Variants in TEX10 observed in about 807,000 individuals in gnomAD.
TEX10 encodes the protein testis expressed 10.
In TEX10, 24 loss-of-function variants were observed where a neutral mutation model predicts 104.4. That is an observed-to-expected ratio of 0.23 (90% CI 0.17 to 0.32). TEX10 has a LOEUF of 0.32. Ranked by LOEUF, TEX10 falls within the 10% of genes least tolerant of loss-of-function variation. The pLI, the probability that TEX10 is intolerant of heterozygous loss-of-function variation, is 1.00. For synonymous variants in TEX10, 396 were observed against 393.4 expected (o/e 1.01, Z -0.08); for missense variants, 921 against 1,083.9 (o/e 0.85, Z 2.11).
intron 1 of TEX10, among the ~76,000 whole-genome samples, chr9:100,350,158 T>A (rs1176237272): frequency 6.6e-6 from 1 of 152,210 alleles, no homozygotes; most frequent in Non-Finnish European, 1.5e-5. Context: ...TCCCCCTCTA[T>A]ACCACATTCC....
At chr9:100,334,153 T>C (rs1050601077) in intron 5 of TEX10, among the ~76,000 whole-genome samples, 9 of 152,174 alleles carry the variant, frequency 5.9e-5, no homozygotes, top group African/African-American at 1.7e-4. Flanking sequence ...ATTCAAGATC[T>C]CAGATATCCA....
intron 11 of TEX10, among the ~76,000 whole-genome samples, chr9:100,314,466 T>C (rs1438632728): frequency 6.6e-6 from 1 of 152,216 alleles, no homozygotes; most frequent in Non-Finnish European, 1.5e-5. Flanking sequence ...TGGTTCAACC[T>C]TGGGGAGTTG....
At chr9:100,328,180 T>C (rs976941704) in intron 7 of TEX10, among the ~76,000 whole-genome samples, 1 of 152,214 alleles carries the variant, frequency 6.6e-6, no homozygotes, top group Non-Finnish European at 1.5e-5. Context: ...TGGGGCAGTA[T>C]CTAAATTGTA....
chr9:100,331,573 G>A (rs1372502073), intron 5 of TEX10, among the ~76,000 whole-genome samples: 1 of 152,156 alleles, frequency 6.6e-6, no homozygotes, highest in Non-Finnish European at 1.5e-5. Flanking sequence ...ACATGAGAAG[G>A]GAAATAAAAG....
rs572893778 is a variant in TEX10 at position 100,318,449 on chromosome 9, T to C, written c.2202+1816A>G. Among the ~76,000 whole-genome samples, 21 of 152,232 alleles carry C rather than the reference T, an allele frequency of 1.4e-4. No individual in the cohort carries two copies. In the South Asian group the frequency reaches 2.3e-3, roughly 17 times the overall value. On this transcript the variant is annotated intron_variant, in intron 11 of 14. Transcript: ENST00000374902. ...ACATAGAGTGTGAAATGACATACAA[T>C]AGAGACTCAAAAAGGTGAATGGGTG...
intron 5 of TEX10, among the ~76,000 whole-genome samples, chr9:100,336,715 A>G (rs908687762): frequency 7.8e-4 from 118 of 152,246 alleles, no homozygotes; most frequent in African/African-American, 2.8e-3. Flanking sequence ...CCTCAGGTCC[A>G]TGGAAACATT....
In TEX10 at chr9:100,310,349, C is replaced by T; in HGVS notation, c.2233G>A (p.Ala745Thr). The T allele has an allele frequency of 6.2e-7, 1 of 1,614,012 alleles. No individual in the cohort carries two copies. The highest frequency in any genetic ancestry group is 8.5e-7 in the Non-Finnish European group (1 of 1,179,966). ...AAGATGTCAAAGTTCTGACTTCGGG[C>T]AGGAATAACCAATAAACTGTGAAAA... is the stretch of plus-strand genomic sequence containing the variant. ...AVFHSLLVIP[A>T]RSQNFDILQS... The change falls in exon 12 of 15, where the codon GCC (alanine) becomes ACC (threonine). Residue 745 changes from alanine (A) to threonine (T), a missense_variant. Transcript: ENST00000374902.
At chr9:100,333,438 T>C (rs1022044298) in intron 5 of TEX10, among the ~76,000 whole-genome samples, 10 of 152,288 alleles carry the variant, frequency 6.6e-5, no homozygotes, top group African/African-American at 2.4e-4. Context: ...TAGCAAGCTA[T>C]TTTGTAATTG....
At chr9:100,304,771 T>C (rs141279711) in intron 13 of TEX10, 2 of 152,138 alleles carry the variant, frequency 1.3e-5, no homozygotes, top group South Asian at 2.1e-4. Context: ...GGCAGGAGAA[T>C]TGCTTGAATC....
At chr9:100,319,738 G>A (rs879798122) in intron 11 of TEX10, among the ~76,000 whole-genome samples, 2 of 152,068 alleles carry the variant, frequency 1.3e-5, no homozygotes, top group Non-Finnish European at 2.9e-5. Context: ...CCTGGGAGGT[G>A]GAGGTTGCAG....
chr9:100,325,540 C>CT (rs969144434), intron 9 of TEX10, among the ~76,000 whole-genome samples: 3 of 151,482 alleles, frequency 2.0e-5, no homozygotes, highest in African/African-American at 7.3e-5. Context: ...TTAAAACTTT[C>CT]TTTTTTTTGA....
chr9:100,308,529 C>G lies in TEX10; in HGVS notation c.2436G>C (p.Glu812Asp). The G allele has an allele frequency of 6.2e-7, 1 of 1,604,616 alleles. No individual in the cohort carries two copies. The highest frequency in any genetic ancestry group is 8.5e-7 in the Non-Finnish European group (1 of 1,176,880). The change falls in exon 13 of 15, where the codon GAG (glutamate) becomes GAC (aspartate). Residue 812 changes from glutamate (E) to aspartate (D), a missense_variant. Physicochemically the swap from Glu to Asp is conservative, Grantham distance 45. Transcript: ENST00000374902. Reference protein sequence around the residue: ...YSLLYFLLTIEKGEAEHLRKR... With the variant: ...YSLLYFLLTIDKGEAEHLRKR... ...TTCTTAGATGTTCTGCTTCCCCTTT[C>G]TCTATAGTGAGCAGAAAATAAAGAA... is the stretch of plus-strand genomic sequence containing the variant.
intron 1 of TEX10, among the ~76,000 whole-genome samples, chr9:100,350,053 AAATAT>A (rs1835403813): frequency 6.6e-6 from 1 of 152,222 alleles, no homozygotes; most frequent in Non-Finnish European, 1.5e-5. Flanking sequence ...GCATAAAAAG[AAATAT>A]AATGTAATAG....
intron 13 of TEX10, 179 bp from the exon 14 acceptor site, chr9:100,304,021 C>T (rs1317453464): frequency 1.6e-6 from 1 of 620,516 alleles, no homozygotes; most frequent in Non-Finnish European, 2.9e-6. Flanking sequence ...ACACTAAATA[C>T]CTAGGAATAC....
chr9:100,319,906 G>A (rs1834523330), intron 11 of TEX10, among the ~76,000 whole-genome samples: 1 of 152,122 alleles, frequency 6.6e-6, no homozygotes, highest in African/African-American at 2.4e-5. Flanking sequence ...AAGTTACATA[G>A]TAATTCTTAA....
At chr9:100,331,057 A>C (rs1012938902) in intron 5 of TEX10, among the ~76,000 whole-genome samples, 1 of 151,348 alleles carries the variant, frequency 6.6e-6, no homozygotes, top group Non-Finnish European at 1.5e-5. Context: ...GGAGTTCAAG[A>C]CCACCCTGAC....
intron 5 of TEX10, among the ~76,000 whole-genome samples, chr9:100,334,577 A>G (rs989450451): frequency 1.6e-4 from 24 of 152,300 alleles, no homozygotes; most frequent in Middle Eastern, 3.4e-3. Flanking sequence ...GAAGTTTACT[A>G]AAGTATCAAT....
chr9:100,321,042 G>A (rs1406942292), intron 10 of TEX10, among the ~76,000 whole-genome samples: 2 of 152,142 alleles, frequency 1.3e-5, no homozygotes, highest in South Asian at 2.1e-4. Context: ...ACTACCTAAA[G>A]AGGCATCATC....
At chr9:100,308,885 C>G (rs1323962621) in intron 12 of TEX10, among the ~76,000 whole-genome samples, 2 of 152,186 alleles carry the variant, frequency 1.3e-5, no homozygotes, top group African/African-American at 4.8e-5. Context: ...TGAAAACATG[C>G]AAACACAAGA....
Sources: gnomAD v4.1 joint callset for allele counts (sites outside exome capture counted in the v4.1 genomes callset) on GRCh38, gnomAD v4.1.1 for gene constraint, MANE v1.5 for transcripts, NCBI Gene and HGNC (gene_info 2026-07-23, HGNC 2026-07-21) for gene names.